The following RPGRIP1 variants were observed in gnomAD, a reference collection of about 807,000 sequenced individuals.
RPGRIP1 encodes the protein RPGR interacting protein 1.
RPGRIP1 carries 128 observed loss-of-function variants against 157.9 expected under a neutral mutation model. The observed-to-expected ratio is 0.81, with a 90% CI of 0.70 to 0.94. The LOEUF (loss-of-function observed/expected upper bound fraction) is 0.94. RPGRIP1 is among the 40% of genes least tolerant of loss of function. The pLI, the probability that RPGRIP1 is intolerant of heterozygous loss-of-function variation, is 0.00. For synonymous variants in RPGRIP1, 554 were observed against 571.6 expected (o/e 0.97, Z 0.44); for missense variants, 1,486 against 1,545.8 (o/e 0.96, Z 0.65).
intron 1 of RPGRIP1, among the ~76,000 whole-genome samples, 188 bp downstream of exon 1, chr14:21,280,347 G>A (rs948380745): frequency 6.1e-5 from 9 of 147,850 alleles, no homozygotes; most frequent in African/African-American, 2.0e-4. Flanking sequence ...AGGTTCAAGC[G>A]ATTCTCCTGC....
At chr14:21,323,627 C>G (rs1882740729) in intron 14 of RPGRIP1, among the ~76,000 whole-genome samples, 1 of 152,032 alleles carries the variant, frequency 6.6e-6, no homozygotes, top group Admixed American at 6.6e-5. Context: ...TGAGAATTGA[C>G]CGTTCCTATC....
chr14:21,307,021 G>A (rs1196292459), intron 6 of RPGRIP1, among the ~76,000 whole-genome samples: 4 of 151,994 alleles, frequency 2.6e-5, no homozygotes, highest in East Asian at 1.9e-4. Context: ...TGATCTGCCC[G>A]CCTCAACTTC....
At chr14:21,338,240 G>A (rs61977494) in intron 21 of RPGRIP1, among the ~76,000 whole-genome samples, 16,167 of 152,216 alleles carry the variant, frequency 0.11, 1,054 homozygotes, top group Middle Eastern at 0.23. Flanking sequence ...AGTTACTAAT[G>A]AGGAGGGAGC....
chr14:21,304,430 A>T (rs1013277872), intron 6 of RPGRIP1, among the ~76,000 whole-genome samples: 1 of 151,846 alleles, frequency 6.6e-6, no homozygotes, highest in Non-Finnish European at 1.5e-5. Context: ...AAAGAAAGAA[A>T]GAAAGAAAGA....
At chr14:21,294,839 T>C in intron 3 of RPGRIP1, 30 bp downstream of exon 3, 1 of 485,646 alleles carries the variant, frequency 2.1e-6, no homozygotes. Context: ...AATTTTTTTT[T>C]TTTTTTTTTT....
intron 1 of RPGRIP1, among the ~76,000 whole-genome samples, chr14:21,282,020 G>A (rs913364459): frequency 2.6e-5 from 4 of 151,822 alleles, no homozygotes; most frequent in Non-Finnish European, 4.4e-5. Context: ...GCTTGAACCC[G>A]GGAAGCGGAG....
chr14:21,291,175 A>T (rs1880513278), intron 2 of RPGRIP1, among the ~76,000 whole-genome samples: 1 of 152,072 alleles, frequency 6.6e-6, no homozygotes. Flanking sequence ...CAGTTTTGCC[A>T]ATTTTTAAAT....
At chr14:21,349,427 T>C (rs1176131831) in intron 24 of RPGRIP1, among the ~76,000 whole-genome samples, 1 of 114,548 alleles carries the variant, frequency 8.7e-6, no homozygotes, top group African/African-American at 3.4e-5. Flanking sequence ...TGAGATGGAG[T>C]CTTGCTCTTG....
rs1436969082 is a variant in RPGRIP1, at chr14:21,325,080, G to A, written c.2215+10G>A. ...TTGGCCACACTGATTGGTAAGTGCC[G>A]TTGGCTTCCTGCGGCTCCTAAGCAC... is the stretch of plus-strand genomic sequence containing the variant. On this transcript the variant is annotated intron_variant, in intron 15 of 24. Transcript: ENST00000400017. 1.0e-5 allele frequency: 16 copies of A among 1,594,624 alleles called. No individual in the cohort carries two copies. Among genetic ancestry groups the A allele is most frequent in the East Asian group, 2.2e-5 (1 of 44,604 alleles).
chr14:21,291,442 T>C (rs1223546592), intron 2 of RPGRIP1, among the ~76,000 whole-genome samples: 1 of 152,196 alleles, frequency 6.6e-6, no homozygotes, highest in East Asian at 1.9e-4. Context: ...TTTTCTTCAG[T>C]ATCATAAAAG....
intron 5 of RPGRIP1, 106 bp from the exon 6 acceptor site, chr14:21,303,225 C>T (rs1446238717): frequency 5.3e-6 from 4 of 747,704 alleles, no homozygotes; most frequent in East Asian, 2.7e-5. Flanking sequence ...AGATTTTCCT[C>T]GACATGTACC....
At position 21,324,988 on chromosome 14, in the gene RPGRIP1, C is replaced by T. The variant is rs751733481; in HGVS notation, c.2133C>T (p.His711=). 1.9e-6 allele frequency: 3 copies of T among 1,613,926 alleles called. No individual in the cohort carries two copies. The East Asian group carries it at 6.7e-5, about 36-fold the overall frequency. ...LDIHQAMASE[H]STLAAGWICF... is the part of the protein sequence containing the mutation. ...TACACCAGGCCATGGCCAGTGAACA[C>T]AGCACTCTTGCTGCAGGATGGATTT... Residue 711 remains histidine (H), a synonymous_variant, in exon 15 of 25, where the codon CAC becomes CAT. Transcript: ENST00000400017.
Position 21,328,517 on chromosome 14 carries a change from C to T in RPGRIP1, c.2989C>T (p.His997Tyr), listed in dbSNP as rs750970301. The T allele has an allele frequency of 6.2e-7, 1 of 1,613,382 alleles. No individual in the cohort carries two copies. Among genetic ancestry groups the T allele is most frequent in the Non-Finnish European group, 8.5e-7 (1 of 1,179,506 alleles). Residue 997 changes from histidine (H) to tyrosine (Y), a missense_variant, in exon 19 of 25, where the codon CAC becomes TAC. Transcript: ENST00000400017. ...PHGGERKEKEHQVVSYSRRKH... is the reference protein window; with the variant it reads ...PHGGERKEKEYQVVSYSRRKH... ...TGGGGGAGAAAGAAAGGAGAAGGAG[C>T]ACCAGGTTGTGAGCTACTCAAGAAG...
At position 21,328,470 on chromosome 14, in the gene RPGRIP1, G is replaced by C. The variant is rs376213645; in HGVS notation, c.2942G>C (p.Arg981Pro). 1.2e-6 allele frequency: 2 copies of C among 1,613,686 alleles called. No homozygotes were observed. Among genetic ancestry groups the C allele is most frequent in the East Asian group, 4.5e-5 (2 of 44,874 alleles). ...PEVPIEAGQY[R>P]SKRKPPHGGE... ...GTTCCCATTGAAGCTGGCCAGTATC[G>C]ATCTAAGAGAAAACCTCCTCATGGG... is the stretch of plus-strand genomic sequence containing the variant. Residue 981 changes from arginine (R) to proline (P), a missense_variant, in exon 19 of 25, where the codon CGA becomes CCA. Arg to Pro is a moderately radical substitution (Grantham distance 103). Coordinates refer to ENST00000400017, the MANE Select transcript of RPGRIP1 (RefSeq NM_020366.4).
chr14:21,344,474 T>A (rs2139346032), intron 22 of RPGRIP1, among the ~76,000 whole-genome samples: 1 of 152,330 alleles, frequency 6.6e-6, no homozygotes, highest in East Asian at 1.9e-4. Flanking sequence ...TTCTCTCCTA[T>A]ACCAGATTTC....
Position 21,330,254 on chromosome 14 carries a change from G to A in RPGRIP1, c.3105G>A (p.Val1035=). ...TTGTTGTTCTTATTCTGAAGCAGGTGAATTACACTGAGTGGAAGTTCTCAG... is the reference window on the plus strand; with the variant it reads ...TTGTTGTTCTTATTCTGAAGCAGGTAAATTACACTGAGTGGAAGTTCTCAG... ...NILNGNTPEQ[V]NYTEWKFSET... The change falls in exon 20 of 25, where the codon GTG becomes GTA. Residue 1035 remains valine (V), a synonymous_variant. Transcript: ENST00000400017. The A allele has an allele frequency of 1.3e-6, 2 of 1,558,990 alleles. No homozygotes were observed. The highest frequency in any genetic ancestry group is 8.6e-7 in the Non-Finnish European group (1 of 1,159,140).
rs2139212165 is a variant in RPGRIP1, at chr14:21,321,974, A to G, written c.1732A>G (p.Ile578Val). Residue 578 changes from isoleucine to valine, a missense_variant, in exon 14 of 25, where the codon ATT (isoleucine) becomes GTT (valine). By Grantham distance (29) the Ile-to-Val change is conservative. Coordinates refer to ENST00000400017, the MANE Select transcript of RPGRIP1 (RefSeq NM_020366.4). ...TAACCGTATCAAGCAGCTGGAAGGT[A>G]TTTTAAGAAGCCATGACCTTCCAAC... Reference protein sequence around the residue: ...KNNRIKQLEGILRSHDLPTSE... With the variant: ...KNNRIKQLEGVLRSHDLPTSE... 1 of 1,613,674 alleles carries G rather than the reference A, an allele frequency of 6.2e-7. No homozygotes were observed. The highest frequency in any genetic ancestry group is 2.2e-5 in the East Asian group (1 of 44,888).
intron 24 of RPGRIP1, among the ~76,000 whole-genome samples, chr14:21,348,894 C>T (rs942404742): frequency 2.6e-5 from 4 of 151,938 alleles, no homozygotes; most frequent in Admixed American, 2.6e-4. Flanking sequence ...CTCCTGACCT[C>T]AAGTGATCTG....
intron 1 of RPGRIP1, among the ~76,000 whole-genome samples, chr14:21,284,501 G>A (rs776393782): frequency 6.7e-6 from 1 of 149,598 alleles, no homozygotes; most frequent in Non-Finnish European, 1.5e-5. Flanking sequence ...TGTTTAAAAA[G>A]AATTTGTACA....
Sources: gnomAD v4.1 joint callset for allele counts (sites outside exome capture counted in the v4.1 genomes callset) on GRCh38, gnomAD v4.1.1 for gene constraint, MANE v1.5 for transcripts, NCBI Gene and HGNC (gene_info 2026-07-23, HGNC 2026-07-21) for gene names.